Variants in ZNF92 observed in about 807,000 individuals in gnomAD.
ZNF92 encodes epididymis luminal protein 203.
A neutral mutation model predicts 12.4 loss-of-function variants in ZNF92; 11 were observed. The ratio of observed to expected loss-of-function variants is 0.89; its 90% CI spans 0.56 to 1.47. ZNF92 has a LOEUF of 1.47. Ranked by LOEUF, ZNF92 falls within the 40% of genes most tolerant of loss-of-function variation. The pLI, the probability that ZNF92 is intolerant of heterozygous loss-of-function variation, is 0.00. For synonymous variants in ZNF92, 206 were observed against 228.6 expected, an observed-to-expected ratio of 0.90 and a Z score of 0.89; for missense variants, 622 against 681.0, an observed-to-expected ratio of 0.91 and a Z score of 0.96.
intron 1 of ZNF92, among the ~76,000 whole-genome samples, chr7:65,386,140 C>G (rs558238326): frequency 6.6e-6 from 1 of 152,176 alleles, no homozygotes; most frequent in East Asian, 1.9e-4. Context: ...CTGCCTCAGC[C>G]TCCTAACTAG....
At chr7:65,385,271 T>G (rs935483544) in intron 1 of ZNF92, among the ~76,000 whole-genome samples, 3 of 152,068 alleles carry the variant, frequency 2.0e-5, no homozygotes, top group Non-Finnish European at 4.4e-5. Context: ...GCTTGAGAGA[T>G]AATAATTAGC....
intron 1 of ZNF92, among the ~76,000 whole-genome samples, chr7:65,383,691 T>C (rs968236629): frequency 7.2e-5 from 11 of 152,082 alleles, no homozygotes; most frequent in African/African-American, 1.7e-4. Context: ...CTGTAAAAAA[T>C]GTGATACTGG....
At chr7:65,394,928 G>A (rs1793809273) in intron 3 of ZNF92, among the ~76,000 whole-genome samples, 1 of 152,152 alleles carries the variant, frequency 6.6e-6, no homozygotes, top group South Asian at 2.1e-4. Context: ...TTGCAGGCAT[G>A]AGCCACTGTG....
chr7:65,386,890 T>C (rs913015764), intron 1 of ZNF92, among the ~76,000 whole-genome samples: 1 of 151,930 alleles, frequency 6.6e-6, no homozygotes, highest in African/African-American at 2.4e-5. Flanking sequence ...TTTTTCACTA[T>C]AGAGTTAGTA....
In ZNF92 at chr7:65,399,983, C is replaced by A; in HGVS notation, c.*108C>A. On this transcript the variant is annotated 3_prime_UTR_variant, in exon 4 of 4. Coordinates refer to ENST00000328747, the MANE Select transcript of ZNF92 (RefSeq NM_152626.4). ...ACAAGGACTTTAAATGGTTGTCACG[C>A]TTGATTGTAGGTAAGATAATTTATA... is the stretch of plus-strand genomic sequence containing the variant. 1.0e-6 allele frequency: 1 copy of A among 990,332 alleles called. No homozygotes were observed. The highest frequency in any genetic ancestry group is 1.4e-6 in the Non-Finnish European group (1 of 697,408). 61.3% of individuals were successfully genotyped at this position (990,332 alleles called of 1,614,324 possible).
At position 65,373,858 on chromosome 7, in the gene ZNF92, T is replaced by C. The variant is rs983081207; in HGVS notation, c.-140T>C. The C allele has an allele frequency of 4.2e-6, 5 of 1,203,682 alleles. No homozygotes were observed. Among genetic ancestry groups the C allele is most frequent in the South Asian group, 3.7e-5 (3 of 80,948 alleles). 74.6% of individuals were successfully genotyped at this position (1,203,682 alleles called of 1,614,324 possible). A position where few individuals can be genotyped will look rare whatever the true frequency, so the allele number is the denominator to read the frequency against. ...TCCGGGATTTGGCGGGGCCTTTGTC[T>C]CTCGCTGCAGCCGGCGCTCCACGTC... On this transcript the variant is annotated 5_prime_UTR_variant, in exon 1 of 4. Coordinates refer to ENST00000328747, the MANE Select transcript of ZNF92 (RefSeq NM_152626.4).
rs1308144461 is a variant in ZNF92 at position 65,377,093 on chromosome 7, G to A, written c.3+3093G>A. Among the ~76,000 whole-genome samples the A allele has an allele frequency of 2.0e-5, 3 of 152,082 alleles. 1 individual carries two copies. The highest frequency in any genetic ancestry group is 4.4e-5 in the Non-Finnish European group (3 of 68,006). On this transcript the variant is annotated intron_variant, in intron 1 of 3. Transcript: ENST00000328747. ...ATAAATCTGTTGTCTGAAGGTAATA[G>A]ATACTTTTGCTTTTCTTATTGAGGT...
At position 65,399,525 on chromosome 7, in the gene ZNF92, CAT is replaced by C. The variant is rs1793953029; in HGVS notation, c.1413_1414del (p.His471GlnfsTer6). 1.2e-6 allele frequency: 2 copies of C among 1,613,242 alleles called. No individual in the cohort carries two copies. The highest frequency in any genetic ancestry group is 2.7e-5 in the African/African-American group (2 of 74,844). ...AFSVFSTLTK[H>X]KIIHTREKPY... ...TAGTGTATTCTCAACCCTTACTAAA[CAT>C]AAAATAATTCATACTAGAGAAAAAC... On this transcript the variant is annotated frameshift_variant, in exon 4 of 4. Coordinates refer to ENST00000328747, the MANE Select transcript of ZNF92 (RefSeq NM_152626.4). LOFTEE classifies it low-confidence loss of function (END_TRUNC).
chr7:65,383,967 A>C (rs916485208), intron 1 of ZNF92, among the ~76,000 whole-genome samples: 2 of 152,112 alleles, frequency 1.3e-5, no homozygotes, highest in Non-Finnish European at 2.9e-5. Flanking sequence ...GTCTCAGTGT[A>C]AGAGAAATGA....
intron 3 of ZNF92, among the ~76,000 whole-genome samples, chr7:65,391,918 T>C (rs979694328): frequency 1.3e-5 from 2 of 152,146 alleles, no homozygotes; most frequent in African/African-American, 4.8e-5. Flanking sequence ...CAAATTCTTT[T>C]TAATGGTACA....
In ZNF92 at chr7:65,399,747, G is replaced by A. The variant is rs776282286; in HGVS notation, c.1633G>A (p.Ala545Thr). The part of the protein sequence containing the change: ...KPYKYEECDK[A>T]FNKFSTLITH... The stretch of plus-strand genomic sequence containing the variant: ...CTACAAATATGAAGAATGTGACAAA[G>A]CCTTTAACAAGTTCTCAACCCTTAT... Residue 545 changes from alanine (A) to threonine (T), a missense_variant, in exon 4 of 4, where the codon GCC becomes ACC. By Grantham distance (58) the Ala-to-Thr change is moderately conservative. Transcript: ENST00000328747. 2.7e-5 allele frequency: 43 copies of A among 1,613,518 alleles called. No homozygotes were observed. The South Asian group carries it at 4.7e-4, about 18-fold the overall frequency.
intron 1 of ZNF92, among the ~76,000 whole-genome samples, chr7:65,380,373 C>T (rs1237017782): frequency 6.6e-6 from 1 of 152,022 alleles, no homozygotes; most frequent in African/African-American, 2.4e-5. Context: ...CTCAAGCAAT[C>T]CTCCTACCTA....
At chr7:65,376,661 G>A (rs1793250048) in intron 1 of ZNF92, among the ~76,000 whole-genome samples, 1 of 152,034 alleles carries the variant, frequency 6.6e-6, no homozygotes. Flanking sequence ...TGGTCAGGCT[G>A]GTCTTGAACT....
chr7:65,385,095 G>A (rs1437915981), intron 1 of ZNF92, among the ~76,000 whole-genome samples: 4 of 152,098 alleles, frequency 2.6e-5, no homozygotes, highest in Non-Finnish European at 5.9e-5. Flanking sequence ...ATTCTGTGAT[G>A]TGCCTGCTTT....
chr7:65,399,952 A>T lies in ZNF92; in HGVS notation c.*77A>T. 1 of 1,289,008 alleles carries T rather than the reference A, an allele frequency of 7.8e-7. No individual in the cohort carries two copies. Among genetic ancestry groups the T allele is most frequent in the Non-Finnish European group, 1.1e-6 (1 of 942,920 alleles). 79.8% of individuals were successfully genotyped at this position (1,289,008 alleles called of 1,614,324 possible). On this transcript the variant is annotated 3_prime_UTR_variant, in exon 4 of 4. Coordinates refer to ENST00000328747, the MANE Select transcript of ZNF92 (RefSeq NM_152626.4). ...ATATTGGTGCCCTAGAAATGTGAGGAATATGACAAGGACTTTAAATGGTTG... is the reference window on the plus strand; with the variant it reads ...ATATTGGTGCCCTAGAAATGTGAGGTATATGACAAGGACTTTAAATGGTTG...
At chr7:65,392,689 A>G (rs1793746230) in intron 3 of ZNF92, among the ~76,000 whole-genome samples, 1 of 151,860 alleles carries the variant, frequency 6.6e-6, no homozygotes, top group African/African-American at 2.4e-5. Flanking sequence ...GGCATGTGCT[A>G]CCATGCCTGG....
chr7:65,397,282 A>G (rs1450820537), intron 3 of ZNF92, among the ~76,000 whole-genome samples: 1 of 151,940 alleles, frequency 6.6e-6, no homozygotes. Context: ...TGTGTTTGTT[A>G]TAAGTATCTT....
At chr7:65,394,236 A>G (rs964392376) in intron 3 of ZNF92, among the ~76,000 whole-genome samples, 3 of 152,014 alleles carry the variant, frequency 2.0e-5, no homozygotes, top group African/African-American at 4.8e-5. Context: ...TATTTTTTGT[A>G]TATGGTTCAA....
chr7:65,399,681 A>G lies in ZNF92; in HGVS notation c.1567A>G (p.Asn523Asp). Reference protein sequence around the residue: ...KCGNAFNQSSNLTARKIIYTG... With the variant: ...KCGNAFNQSSDLTARKIIYTG... ...TGGCAATGCTTTTAACCAGTCCTCA[A>G]ACCTTACTGCACGTAAGATAATTTA... Residue 523 changes from asparagine (N) to aspartate (D), a missense_variant, in exon 4 of 4, where the codon AAC (asparagine) becomes GAC (aspartate). Physicochemically the swap from Asn to Asp is conservative, Grantham distance 23. Coordinates refer to ENST00000328747, the MANE Select transcript of ZNF92 (RefSeq NM_152626.4). 1.2e-6 allele frequency: 2 copies of G among 1,613,708 alleles called. No individual in the cohort carries two copies. Among genetic ancestry groups the G allele is most frequent in the Non-Finnish European group, 1.7e-6 (2 of 1,179,750 alleles).
Sources: gnomAD v4.1 joint callset for allele counts (sites outside exome capture counted in the v4.1 genomes callset) on GRCh38, gnomAD v4.1.1 for gene constraint, MANE v1.5 for transcripts, NCBI Gene and HGNC (gene_info 2026-07-23, HGNC 2026-07-21) for gene names.